The following ECT2L variants were observed in gnomAD, a reference collection of about 807,000 sequenced individuals.
ECT2L encodes the protein epithelial cell transforming 2 like, also known as epithelial cell-transforming sequence 2 oncogene-like.
In ECT2L, 126 loss-of-function variants were observed where a neutral mutation model predicts 122.8. The observed-to-expected ratio is 1.03, with a 90% confidence interval of 0.89 to 1.19. The LOEUF (loss-of-function observed/expected upper bound fraction) is 1.19. Ranked by LOEUF, ECT2L falls within the 50% of genes most tolerant of loss-of-function variation. ECT2L has a pLI of 0.00. For synonymous variants in ECT2L, 385 were observed against 381.8 expected (o/e 1.01, Z -0.10); for missense variants, 1,012 against 1,064.1 (o/e 0.95, Z 0.68).
At chr6:138,834,384 A>G (rs558992992) in intron 4 of ECT2L, among the ~76,000 whole-genome samples, 1 of 152,206 alleles carries the variant, frequency 6.6e-6, no homozygotes, top group Non-Finnish European at 1.5e-5. Context: ...CTTAAGATTC[A>G]TTATACTCAA....
intron 4 of ECT2L, among the ~76,000 whole-genome samples, chr6:138,816,816 C>T (rs545860399): frequency 6.6e-6 from 1 of 152,320 alleles, no homozygotes; most frequent in Admixed American, 6.5e-5. Flanking sequence ...AATTCACATA[C>T]AATAAAAATC....
In ECT2L at chr6:138,804,377, T is replaced by C. The variant is rs527663663; in HGVS notation, c.-244+8185T>C. On this transcript the variant is annotated intron_variant, in intron 1 of 21. Coordinates refer to ENST00000541398, the MANE Select transcript of ECT2L (RefSeq NM_001077706.3). Reference sequence around the variant, plus strand: ...ATTTGTCATCTAACAAGTGTCCCTGTATACCTGGGTCTATTTTGGAGTTTC... The same window carrying C: ...ATTTGTCATCTAACAAGTGTCCCTGCATACCTGGGTCTATTTTGGAGTTTC... 6.9e-4 allele frequency among the ~76,000 whole-genome samples: 105 copies of C among 152,214 alleles called. 1 individual carries two copies. The highest frequency in any genetic ancestry group is 1.3e-3 in the Non-Finnish European group (89 of 68,036).
intron 13 of ECT2L, among the ~76,000 whole-genome samples, chr6:138,873,894 G>GTGTGTGTGTATGTGTGTGTGTGTGTGTA (rs1554277005): frequency 6.9e-6 from 1 of 145,816 alleles, no homozygotes; most frequent in Non-Finnish European, 1.5e-5. Flanking sequence ...GTGTGTGTGT[G>GTGTGTGTGTATGTGTGTGTGTGTGTGTA]TGTGTGTGTG....
At chr6:138,865,915 C>A (rs1246566561) in intron 12 of ECT2L, among the ~76,000 whole-genome samples, 2 of 152,298 alleles carry the variant, frequency 1.3e-5, no homozygotes, top group East Asian at 1.9e-4. Flanking sequence ...CTCTGCCCAG[C>A]TCCATATTTA....
At chr6:138,882,651 A>G in intron 15 of ECT2L, 73 bp from the exon 16 acceptor site, 2 of 1,564,946 alleles carry the variant, frequency 1.3e-6, no homozygotes, top group African/African-American at 1.4e-5. Flanking sequence ...GCCCATGCTG[A>G]TGACAATGGA....
chr6:138,824,057 G>A (rs1264151695), intron 4 of ECT2L, among the ~76,000 whole-genome samples: 6 of 151,728 alleles, frequency 4.0e-5, no homozygotes, highest in East Asian at 3.9e-4. Context: ...CTGCTGTAAC[G>A]AAGAAGAGCT....
intron 4 of ECT2L, among the ~76,000 whole-genome samples, chr6:138,815,467 T>G: frequency 6.6e-6 from 1 of 152,156 alleles, no homozygotes; most frequent in East Asian, 1.9e-4. Context: ...GGCAGGATGG[T>G]TTTCCAGCCC....
At chr6:138,825,616 G>C (rs991909073) in intron 4 of ECT2L, among the ~76,000 whole-genome samples, 1 of 151,972 alleles carries the variant, frequency 6.6e-6, no homozygotes, top group Non-Finnish European at 1.5e-5. Context: ...AAAGAATACA[G>C]ATAAGCAAAA....
chr6:138,826,592 AG>A (rs1776460544), intron 4 of ECT2L, among the ~76,000 whole-genome samples: 3 of 151,904 alleles, frequency 2.0e-5, no homozygotes, highest in Admixed American at 6.6e-5. Context: ...TCTTGAACCC[AG>A]GAGGCAGAGA....
chr6:138,864,512 T>C (rs1777956960), intron 11 of ECT2L, among the ~76,000 whole-genome samples: 1 of 152,230 alleles, frequency 6.6e-6, no homozygotes, highest in Admixed American at 6.5e-5. Flanking sequence ...GACAGATTTG[T>C]AGAGCGAGGT....
chr6:138,825,571 G>A (rs1430150776), intron 4 of ECT2L, among the ~76,000 whole-genome samples: 1 of 151,930 alleles, frequency 6.6e-6, no homozygotes, highest in Admixed American at 6.6e-5. Context: ...CGACAGAGCA[G>A]GACTCCGTCT....
intron 1 of ECT2L, among the ~76,000 whole-genome samples, chr6:138,798,657 T>C (rs1775425677): frequency 6.6e-6 from 1 of 152,216 alleles, no homozygotes; most frequent in Non-Finnish European, 1.5e-5. Context: ...CTCATCAATA[T>C]ACCAGTTGTA....
Position 138,838,391 on chromosome 6 carries a change from C to CA in ECT2L, c.222dup (p.Val75SerfsTer39). 1 of 1,609,964 alleles carries CA rather than the reference C, an allele frequency of 6.2e-7. No individual in the cohort carries two copies. The highest frequency in any genetic ancestry group is 8.5e-7 in the Non-Finnish European group (1 of 1,178,446). On this transcript the variant is annotated frameshift_variant, in exon 5 of 22. Coordinates refer to ENST00000541398, the MANE Select transcript of ECT2L (RefSeq NM_001077706.3). LOFTEE classifies it high-confidence loss of function. ...GGTTTTCAGAAAGGATGCAAGTGGC[C>CA]AAAGTGGACTTCTCTACAGTGTTAC...
chr6:138,889,114 A>C lies in ECT2L; in HGVS notation c.2414+83A>C, dbSNP rs542910292. ...TACTCATCCTGTAGCTCCAGCATTC[A>C]GTACAATGTCTGACACAGTAGGTTT... On this transcript the variant is annotated intron_variant, in intron 20 of 21. Transcript: ENST00000541398. The C allele has an allele frequency of 3.6e-5, 23 of 641,770 alleles. No homozygotes were observed. The African/African-American group carries it at 4.3e-4, about 12-fold the overall frequency. The allele number at this position is 641,770 out of a possible 1,614,324, so 39.8% of individuals were successfully genotyped here.
At chr6:138,852,821 A>T (rs1777494934) in intron 9 of ECT2L, among the ~76,000 whole-genome samples, 1 of 151,950 alleles carries the variant, frequency 6.6e-6, no homozygotes, top group Non-Finnish European at 1.5e-5. Context: ...GTGCAGAGAT[A>T]TTGGCAAGTT....
Position 138,843,229 on chromosome 6 carries a change from AG to A in ECT2L, c.594del (p.Lys199ArgfsTer11). On this transcript the variant is annotated frameshift_variant and splice_region_variant, in exon 6 of 22. Coordinates refer to ENST00000541398, the MANE Select transcript of ECT2L (RefSeq NM_001077706.3). LOFTEE classifies it high-confidence loss of function. Reference protein sequence around the residue: ...KRIWEKIALRKKELFKVRPPW... With the variant: ...KRIWEKIALRXKELFKVRPPW... ...ATTTGGGAGAAAATTGCACTACGTAAGAGTAAGTAGCATTTTAAACCTTTAT... is the reference window on the plus strand; with the variant it reads ...ATTTGGGAGAAAATTGCACTACGTAAAGTAAGTAGCATTTTAAACCTTTAT... 4 of 1,590,992 alleles carry A rather than the reference AG, an allele frequency of 2.5e-6. No individual in the cohort carries two copies. Among genetic ancestry groups the A allele is most frequent in the Non-Finnish European group, 3.4e-6 (4 of 1,168,108 alleles).
chr6:138,895,639 C>T (rs899059358), intron 20 of ECT2L, among the ~76,000 whole-genome samples: 6 of 151,384 alleles, frequency 4.0e-5, no homozygotes, highest in Non-Finnish European at 2.9e-5. Flanking sequence ...GGTGTGATCT[C>T]GGCTCACTGC....
intron 13 of ECT2L, among the ~76,000 whole-genome samples, chr6:138,868,465 T>C (rs1371373764): frequency 1.3e-5 from 2 of 151,458 alleles, no homozygotes; most frequent in African/African-American, 4.9e-5. Context: ...TTGTGCTTAA[T>C]TTCAGTCAGA....
chr6:138,820,725 G>A (rs1776240338), intron 4 of ECT2L, among the ~76,000 whole-genome samples: 1 of 152,172 alleles, frequency 6.6e-6, no homozygotes, highest in South Asian at 2.1e-4. Context: ...CTCATGCATA[G>A]TCTAAGTATT....
Sources: allele counts gnomAD v4.1 joint callset (sites outside exome capture counted in the v4.1 genomes callset), GRCh38; gene constraint gnomAD v4.1.1; transcripts MANE v1.5; gene names NCBI Gene and HGNC (gene_info 2026-07-23, HGNC 2026-07-21).